CEP112: variants seen among roughly 807,000 people sequenced by gnomAD.
CEP112 encodes centrosomal protein of 112 kDa.
A neutral mutation model predicts 153.0 loss-of-function variants in CEP112; 127 were observed. The observed-to-expected ratio is 0.83, with a 90% CI of 0.72 to 0.96. The LOEUF is 0.96. CEP112 is among the 40% of genes least tolerant of loss of function. CEP112 has a pLI of 0.00. For synonymous variants in CEP112, 358 were observed against 374.4 expected, an observed-to-expected ratio of 0.96 and a Z score of 0.51; for missense variants, 1,089 against 1,101.2, an observed-to-expected ratio of 0.99 and a Z score of 0.16.
chr17:66,096,287 A>G lies in CEP112; in HGVS notation c.732T>C (p.His244=). 6.2e-7 allele frequency: 1 copy of G among 1,613,430 alleles called. No homozygotes were observed. Among genetic ancestry groups the G allele is most frequent in the Non-Finnish European group, 8.5e-7 (1 of 1,179,656 alleles). Residue 244 remains histidine (H), a synonymous_variant, in exon 8 of 27, where the codon CAT becomes CAC. Coordinates refer to ENST00000535342, the MANE Select transcript of CEP112 (RefSeq NM_001199165.4). ...GTATTCGAGAGAGAAAATGATCATC[A>G]TGGAAACTGCTGGATTTTCTCAGGC... is the stretch of plus-strand genomic sequence containing the variant. ...KFSLRKSSSF[H]DDHFLSRIRE... is the part of the protein sequence containing the mutation.
chr17:66,007,495 A>G (rs193052390), intron 16 of CEP112, among the ~76,000 whole-genome samples: 44 of 152,354 alleles, frequency 2.9e-4, no homozygotes, highest in African/African-American at 1.1e-3. Context: ...CATAGTAAGC[A>G]TACTATACTA....
intron 21 of CEP112, among the ~76,000 whole-genome samples, chr17:65,789,829 G>A (rs2054492792): frequency 6.6e-6 from 1 of 152,144 alleles, no homozygotes. Context: ...AACTCTTTAA[G>A]GGGAGGGGGA....
chr17:65,672,713 C>T (rs2047046275), intron 24 of CEP112, among the ~76,000 whole-genome samples: 1 of 152,134 alleles, frequency 6.6e-6, no homozygotes, highest in African/African-American at 2.4e-5. Flanking sequence ...GGCACTGTGG[C>T]TCTGAAGCTC....
Position 66,176,838 on chromosome 17 carries a change from A to C in CEP112, c.289T>G (p.Ser97Ala). Residue 97 changes from serine to alanine, a missense_variant, in exon 3 of 27, where the codon TCA (serine) becomes GCA (alanine). Coordinates refer to ENST00000535342, the MANE Select transcript of CEP112 (RefSeq NM_001199165.4). ...PEPGTLKILP[S>A]YMSIYFDEPN... ...TGTTCATTGATACCTACCATGTATG[A>C]AGGTAGAATTTTTAGTGTCCCGGGT... 2 of 1,605,666 alleles carry C rather than the reference A, an allele frequency of 1.2e-6. No individual in the cohort carries two copies. Among genetic ancestry groups the C allele is most frequent in the East Asian group, 4.5e-5 (2 of 44,810 alleles).
At chr17:65,961,715 T>A (rs1271390852) in intron 17 of CEP112, 117 bp from the exon 18 acceptor site, 3 of 967,036 alleles carry the variant, frequency 3.1e-6, no homozygotes, top group Non-Finnish European at 4.4e-6. Flanking sequence ...TTGATCCAAA[T>A]CCTACAAAAC....
intron 23 of CEP112, among the ~76,000 whole-genome samples, chr17:65,692,631 T>C (rs2048167020): frequency 6.6e-6 from 1 of 152,180 alleles, no homozygotes; most frequent in South Asian, 2.1e-4. Flanking sequence ...TTTCTTTGCC[T>C]GGAAGTCCCT....
intron 12 of CEP112, among the ~76,000 whole-genome samples, chr17:66,039,236 C>A (rs542599680): frequency 6.6e-6 from 1 of 152,058 alleles, no homozygotes; most frequent in Non-Finnish European, 1.5e-5. Flanking sequence ...GTCTTTTCAT[C>A]GTACAACATC....
chr17:65,870,337 A>T (rs1298509549), intron 20 of CEP112, among the ~76,000 whole-genome samples: 1 of 152,192 alleles, frequency 6.6e-6, no homozygotes, highest in African/African-American at 2.4e-5. Context: ...AAAGTGAGTT[A>T]AAAACTCCAT....
chr17:65,797,290 T>A (rs1398634280), intron 21 of CEP112: 1 of 152,254 alleles, frequency 6.6e-6, no homozygotes, highest in Non-Finnish European at 1.5e-5. Context: ...GATATTCATC[T>A]GCAAAGGGAT....
intron 25 of CEP112, among the ~76,000 whole-genome samples, chr17:65,640,154 A>ATATATATATATATATTTTT (rs1300751452): frequency 1.0e-4 from 8 of 78,332 alleles, no homozygotes; most frequent in African/African-American, 4.9e-4. Context: ...ATATATATAT[A>ATATATATATATATATTTTT]TTTTTTTTTT....
At chr17:66,013,820 G>A (rs928404129) in intron 16 of CEP112, among the ~76,000 whole-genome samples, 5 of 152,112 alleles carry the variant, frequency 3.3e-5, no homozygotes, top group African/African-American at 1.2e-4. Flanking sequence ...GGCAGCAGTG[G>A]CACCATGGAG....
At chr17:66,140,045 T>C (rs2070620099) in intron 4 of CEP112, among the ~76,000 whole-genome samples, 1 of 152,138 alleles carries the variant, frequency 6.6e-6, no homozygotes, top group African/African-American at 2.4e-5. Flanking sequence ...ACTAGCAAAC[T>C]GAATTCCATG....
intron 21 of CEP112, among the ~76,000 whole-genome samples, chr17:65,799,250 C>T (rs190871987): frequency 5.3e-5 from 8 of 152,288 alleles, no homozygotes; most frequent in African/African-American, 1.9e-4. Flanking sequence ...ACAAGAATAT[C>T]TACCAATAGA....
At chr17:65,967,073 A>G (rs2062440940) in intron 17 of CEP112, among the ~76,000 whole-genome samples, 1 of 152,196 alleles carries the variant, frequency 6.6e-6, no homozygotes, top group Admixed American at 6.5e-5. Context: ...TACTAAGGGA[A>G]AAGCTTGAAA....
chr17:66,112,209 T>G (rs529950575), intron 6 of CEP112, among the ~76,000 whole-genome samples: 30 of 151,782 alleles, frequency 2.0e-4, no homozygotes, highest in African/African-American at 7.0e-4. Flanking sequence ...GAGAATCACT[T>G]GAACTCGGGA....
At chr17:65,642,294 A>C (rs765961197) in intron 24 of CEP112, among the ~76,000 whole-genome samples, 1 of 152,210 alleles carries the variant, frequency 6.6e-6, no homozygotes, top group Non-Finnish European at 1.5e-5. Context: ...CATCATACGC[A>C]CCTGGAAATA....
At chr17:66,137,911 A>G (rs1055505301) in intron 4 of CEP112, among the ~76,000 whole-genome samples, 7 of 152,212 alleles carry the variant, frequency 4.6e-5, no homozygotes, top group Non-Finnish European at 1.0e-4. Flanking sequence ...TATAAAATAC[A>G]GATTACTCTA....
intron 18 of CEP112, among the ~76,000 whole-genome samples, chr17:65,951,848 T>C (rs899443057): frequency 6.6e-6 from 1 of 151,986 alleles, no homozygotes; most frequent in African/African-American, 2.4e-5. Context: ...TTTTTGGATA[T>C]AGGTGTTTAA....
chr17:65,809,767 G>C (rs1330408516), intron 21 of CEP112, among the ~76,000 whole-genome samples: 2 of 151,954 alleles, frequency 1.3e-5, no homozygotes, highest in African/African-American at 4.8e-5. Context: ...TAGGACTAGA[G>C]ATACAAACTG....
Sources: gnomAD v4.1 joint callset for allele counts (sites outside exome capture counted in the v4.1 genomes callset) on GRCh38, gnomAD v4.1.1 for gene constraint, MANE v1.5 for transcripts, NCBI Gene and HGNC (gene_info 2026-07-23, HGNC 2026-07-21) for gene names.